The following ADGRL3 variants were observed in gnomAD, a reference collection of about 807,000 sequenced individuals.
The protein encoded by ADGRL3 is calcium-independent alpha-latrotoxin receptor 3.
A neutral mutation model predicts 153.5 loss-of-function variants in ADGRL3; 62 were observed. The ratio of observed to expected loss-of-function variants is 0.40; its 90% CI spans 0.33 to 0.50. The LOEUF is 0.50. Among genes scored for constraint, ADGRL3 ranks in the 20% least tolerant of loss-of-function variants. The pLI, the probability that ADGRL3 is intolerant of heterozygous loss-of-function variation, is 0.47. For missense variants in ADGRL3, 1,641 were observed against 1,859.4 expected, an observed-to-expected ratio of 0.88 and a Z score of 2.16; for synonymous variants, 710 against 672.5, an observed-to-expected ratio of 1.06 and a Z score of -0.86.
chr4:61,347,948 C>G (rs927954978), intron 1 of ADGRL3, among the ~76,000 whole-genome samples: 2 of 152,030 alleles, frequency 1.3e-5, no homozygotes, highest in Non-Finnish European at 2.9e-5. Context: ...AAAACAGACT[C>G]TCTTAGTGAA....
At chr4:61,304,354 T>A (rs13136377) in intron 1 of ADGRL3, among the ~76,000 whole-genome samples, 1 of 152,238 alleles carries the variant, frequency 6.6e-6, no homozygotes, top group Non-Finnish European at 1.5e-5. Flanking sequence ...TTGTGAGGCT[T>A]TCAGCCTCTT....
At chr4:61,266,853 A>G (rs1450341281) in intron 1 of ADGRL3, among the ~76,000 whole-genome samples, 1 of 151,742 alleles carries the variant, frequency 6.6e-6, no homozygotes, top group Non-Finnish European at 1.5e-5. Flanking sequence ...TAGTAAAATC[A>G]TAGGAACGTT....
chr4:62,049,756 C>T (rs1733118713), intron 25 of ADGRL3, among the ~76,000 whole-genome samples: 1 of 152,102 alleles, frequency 6.6e-6, no homozygotes, highest in Admixed American at 6.6e-5. Context: ...TTGACCTACT[C>T]ATTTTAGTTT....
intron 1 of ADGRL3, among the ~76,000 whole-genome samples, chr4:61,276,944 G>T (rs960618412): frequency 3.3e-5 from 5 of 151,978 alleles, no homozygotes; most frequent in African/African-American, 1.2e-4. Flanking sequence ...ATGATTAAAA[G>T]AAATTGGAAA....
At chr4:61,746,947 T>G (rs2151994045) in intron 8 of ADGRL3, among the ~76,000 whole-genome samples, 1 of 152,054 alleles carries the variant, frequency 6.6e-6, no homozygotes, top group African/African-American at 2.4e-5. Context: ...TCAACAAAAT[T>G]GATAGACTGC....
At chr4:61,627,169 G>A (rs979750602) in intron 5 of ADGRL3, among the ~76,000 whole-genome samples, 4 of 151,730 alleles carry the variant, frequency 2.6e-5, no homozygotes, top group South Asian at 2.1e-4. Flanking sequence ...AGTATTTTGC[G>A]GAATTTTGAA....
chr4:61,624,875 T>C (rs1459323863), intron 5 of ADGRL3, among the ~76,000 whole-genome samples: 1 of 152,134 alleles, frequency 6.6e-6, no homozygotes, highest in Non-Finnish European at 1.5e-5. Context: ...TTTTGTTATA[T>C]ACAGTTAAGA....
At chr4:61,884,050 C>T (rs1302434957) in intron 9 of ADGRL3, among the ~76,000 whole-genome samples, 2 of 152,110 alleles carry the variant, frequency 1.3e-5, no homozygotes, top group Non-Finnish European at 2.9e-5. Context: ...GAGCAAGGAA[C>T]ATAATAATTA....
Position 61,613,859 on chromosome 4 carries a change from C to T in ADGRL3, c.473+26419C>T, listed in dbSNP as rs2091684469. 2.0e-5 allele frequency among the ~76,000 whole-genome samples: 3 copies of T among 152,054 alleles called. 1 individual carries two copies. In the South Asian group the frequency reaches 6.2e-4, roughly 32 times the overall value. The stretch of plus-strand genomic sequence containing the variant: ...GGAATATATCACCTATAAAAATGAA[C>T]AATGGAATAGCAGTGCTGCAACTTG... On this transcript the variant is annotated intron_variant, in intron 5 of 26. Coordinates refer to ENST00000683033, the MANE Select transcript of ADGRL3 (RefSeq NM_001387552.1).
At position 62,072,084 on chromosome 4, in the gene ADGRL3, G is replaced by A. The variant is rs1157164201; in HGVS notation, c.*1176G>A. 4 of 154,606 alleles carry A rather than the reference G, an allele frequency of 2.6e-5. No individual in the cohort carries two copies. 9.6% of individuals were successfully genotyped at this position (154,606 alleles called of 1,614,324 possible). A position where few individuals can be genotyped will look rare whatever the true frequency, so the allele number is the denominator to read the frequency against. ...TATAGAACTAGTGGGGCTTCTGCATGTGAAAAACGGTTTTCCATAGGCATT... is the reference window on the plus strand; with the variant it reads ...TATAGAACTAGTGGGGCTTCTGCATATGAAAAACGGTTTTCCATAGGCATT... On this transcript the variant is annotated 3_prime_UTR_variant, in exon 27 of 27. Transcript: ENST00000683033.
chr4:61,325,084 T>A (rs2095438177), intron 1 of ADGRL3, among the ~76,000 whole-genome samples: 1 of 152,082 alleles, frequency 6.6e-6, no homozygotes, highest in Non-Finnish European at 1.5e-5. Flanking sequence ...GAAGCTGAAG[T>A]GGGTGAATCA....
chr4:61,421,232 G>T (rs1233350890), intron 2 of ADGRL3, among the ~76,000 whole-genome samples: 2 of 152,154 alleles, frequency 1.3e-5, no homozygotes, highest in Admixed American at 6.5e-5. Context: ...TACTTGGGAG[G>T]CTGAGGCAGG....
chr4:61,677,157 A>C, intron 6 of ADGRL3: 1 of 493,238 alleles, frequency 2.0e-6, no homozygotes, highest in Non-Finnish European at 3.7e-6. Context: ...CTGTATATGA[A>C]TACGTGTTCT....
At chr4:61,448,040 T>C (rs1484582393) in intron 2 of ADGRL3, among the ~76,000 whole-genome samples, 1 of 152,080 alleles carries the variant, frequency 6.6e-6, no homozygotes, top group East Asian at 1.9e-4. Flanking sequence ...TGAGAACATA[T>C]AGATGAGTAT....
At chr4:61,651,908 C>A (rs1300601771) in intron 5 of ADGRL3, among the ~76,000 whole-genome samples, 2 of 151,432 alleles carry the variant, frequency 1.3e-5, no homozygotes, top group African/African-American at 2.4e-5. Context: ...AGCCACCGAA[C>A]CTGGCCCAAA....
intron 17 of ADGRL3, among the ~76,000 whole-genome samples, chr4:61,971,322 A>C (rs897248865): frequency 6.6e-6 from 1 of 151,812 alleles, no homozygotes; most frequent in African/African-American, 2.4e-5. Flanking sequence ...ACCACCCCAC[A>C]ACAGTCCCCA....
At chr4:61,947,182 C>T in intron 16 of ADGRL3, 60 bp downstream of exon 16, 3 of 1,254,094 alleles carry the variant, frequency 2.4e-6, no homozygotes, top group Non-Finnish European at 3.4e-6. Flanking sequence ...TAACACTGAA[C>T]ATTAAGTGTA....
intron 2 of ADGRL3, among the ~76,000 whole-genome samples, chr4:61,429,639 T>C (rs970213533): frequency 5.3e-5 from 8 of 152,252 alleles, no homozygotes; most frequent in African/African-American, 1.9e-4. Context: ...ATGTACATAA[T>C]TGTAAAAGGT....
At chr4:61,207,615 A>T (rs1361750203) in intron 1 of ADGRL3, among the ~76,000 whole-genome samples, 1 of 152,136 alleles carries the variant, frequency 6.6e-6, no homozygotes, top group Non-Finnish European at 1.5e-5. Flanking sequence ...ATCCTTGAGG[A>T]ATCACGACAC....
Sources: gnomAD v4.1 joint callset for allele counts (sites outside exome capture counted in the v4.1 genomes callset) on GRCh38, gnomAD v4.1.1 for gene constraint, MANE v1.5 for transcripts, NCBI Gene and HGNC (gene_info 2026-07-23, HGNC 2026-07-21) for gene names.